The following FXR2 variants were observed in gnomAD, a reference collection of about 807,000 sequenced individuals.
The protein encoded by FXR2 is FMR1 autosomal homolog 2.
Under a neutral mutation model 87.3 loss-of-function variants are expected in FXR2, and 9 were observed. That is an observed-to-expected ratio of 0.10 (90% confidence interval 0.06 to 0.18). FXR2 has a LOEUF of 0.18. Ranked by LOEUF, FXR2 falls within the 10% of genes least tolerant of loss-of-function variation. The pLI is 1.00. For synonymous variants in FXR2, 331 were observed against 328.3 expected, an observed-to-expected ratio of 1.01 and a Z score of -0.09; for missense variants, 661 against 893.6, an observed-to-expected ratio of 0.74 and a Z score of 3.32.
At chr17:7,596,041 G>A in intron 7 of FXR2, 47 bp from the exon 8 acceptor site, 1 of 1,442,720 alleles carries the variant, frequency 6.9e-7, no homozygotes, top group Non-Finnish European at 9.7e-7. Flanking sequence ...GAATCTCACA[G>A]TCCCAGGCAC....
rs756951847 is a variant in FXR2, at chr17:7,592,266, AAG to A, written c.1912_1913del (p.Leu638PhefsTer6). The A allele has an allele frequency of 1.2e-6, 2 of 1,611,250 alleles. No homozygotes were observed. Among genetic ancestry groups the A allele is most frequent in the Non-Finnish European group, 1.7e-6 (2 of 1,177,384 alleles). ...LERTKPSEDS[L>X]SGQKGDSVSK... ...CTTGCCTGCCTACCTTCTGTCCTGAAAGAGAGTCTTCTGAGGGTTTAGTGCGT... is the reference window on the plus strand; with the variant it reads ...CTTGCCTGCCTACCTTCTGTCCTGAAAGAGTCTTCTGAGGGTTTAGTGCGT... On this transcript the variant is annotated frameshift_variant, in exon 16 of 17. Coordinates refer to ENST00000250113, the MANE Select transcript of FXR2 (RefSeq NM_004860.4). LOFTEE classifies it high-confidence loss of function. The surrounding 1 kb of genome is among the most constrained non-coding windows in gnomAD (Gnocchi z 4.8).
chr17:7,606,656 A>G (rs1427590116), intron 1 of FXR2, among the ~76,000 whole-genome samples: 1 of 152,220 alleles, frequency 6.6e-6, no homozygotes. Context: ...GGAACACTAG[A>G]CAAGTTCAAA....
At chr17:7,603,659 CAG>C (rs2071778577) in intron 5 of FXR2, 96 bp downstream of exon 5, 2 of 1,191,546 alleles carry the variant, frequency 1.7e-6, no homozygotes, top group Middle Eastern at 5.6e-4. Context: ...AGGGGAACAA[CAG>C]AGAAAACTGC....
intron 7 of FXR2, among the ~76,000 whole-genome samples, chr17:7,597,310 T>G (rs1342922897): frequency 1.3e-5 from 2 of 152,090 alleles, no homozygotes; most frequent in Admixed American, 1.3e-4. Context: ...TACTTCCCAC[T>G]TCCAAGTTGG....
chr17:7,599,942 G>C (rs1208500238), intron 7 of FXR2, among the ~76,000 whole-genome samples: 2 of 152,326 alleles, frequency 1.3e-5, no homozygotes, highest in East Asian at 3.9e-4. Context: ...TTGTTGCCCA[G>C]GCTGGAGTAC....
chr17:7,594,150 C>T lies in FXR2; in HGVS notation c.1020+88G>A. 3.3e-6 allele frequency: 3 copies of T among 917,768 alleles called. No individual in the cohort carries two copies. The highest frequency in any genetic ancestry group is 1.8e-6 in the Non-Finnish European group (1 of 562,656). The allele number at this position is 917,768 out of a possible 1,614,324, so 56.9% of individuals were successfully genotyped here. A position where few individuals can be genotyped will look rare whatever the true frequency, so the allele number is the denominator to read the frequency against. ...TGTTAAACAACTTTCCGTACTCCAC[C>T]CTCTCAAAGAACAATCCCAGCCCTC... On this transcript the variant is annotated intron_variant, in intron 10 of 16. Transcript: ENST00000250113. This position sits in a 1 kb window ranked among gnomAD's most constrained non-coding sequence, Gnocchi z 5.1.
chr17:7,614,329 C>G (rs2071916493), intron 1 of FXR2, 123 bp downstream of exon 1: 4 of 756,302 alleles, frequency 5.3e-6, no homozygotes, highest in Middle Eastern at 2.4e-4. Context: ...CGGGTTGGAG[C>G]AAGGGTCCAA....
At position 7,614,440 on chromosome 17, in the gene FXR2, G is replaced by GCGCCGACTGGGGA; in HGVS notation, c.81+11_81+12insTCCCCAGTCGGCG. ...CTAAGGACCGGCGTCCCCAGTCGGC[G>GCGCCGACTGGGGA]CGCCGTCTCACCTTGTAGAAGGCCC... On this transcript the variant is annotated intron_variant, in intron 1 of 16. Transcript: ENST00000250113. The GCGCCGACTGGGGA allele has an allele frequency of 6.6e-7, 1 of 1,521,324 alleles. No homozygotes were observed. Among genetic ancestry groups the GCGCCGACTGGGGA allele is most frequent in the Non-Finnish European group, 8.8e-7 (1 of 1,130,920 alleles). The allele number at this position is 1,521,324 out of a possible 1,614,324, so 94.2% of individuals were successfully genotyped here.
chr17:7,595,006 G>A lies in FXR2; in HGVS notation c.832-249C>T, dbSNP rs1044696544. ...TCACGTCTCTAATCCCAGCTACTCC[G>A]GAGGCTGAGGCAGGAGATTTCTTGA... On this transcript the variant is annotated intron_variant, in intron 8 of 16. Transcript: ENST00000250113. The surrounding 1 kb of genome is among the most constrained non-coding windows in gnomAD (Gnocchi z 4.7). Among the ~76,000 whole-genome samples the A allele has an allele frequency of 1.3e-5, 2 of 152,026 alleles. No homozygotes were observed. Among genetic ancestry groups the A allele is most frequent in the South Asian group, 2.1e-4 (1 of 4,812 alleles).
chr17:7,601,123 G>A (rs983013907), intron 7 of FXR2, among the ~76,000 whole-genome samples: 4 of 151,242 alleles, frequency 2.6e-5, no homozygotes, highest in Admixed American at 2.0e-4. Flanking sequence ...GGGTTGCAGT[G>A]AGCCGAGATC....
In FXR2 at chr17:7,592,445, G is replaced by A. The variant is rs748146155; in HGVS notation, c.1825+59C>T. On this transcript the variant is annotated intron_variant, in intron 15 of 16. Transcript: ENST00000250113. This position sits in a 1 kb window ranked among gnomAD's most constrained non-coding sequence, Gnocchi z 4.8. ...AACCCGAACCCCTGATTTTCACAGG[G>A]GTGAGCATCCCATTCTCTCAGCTCT... The A allele has an allele frequency of 6.4e-7, 1 of 1,561,172 alleles. No individual in the cohort carries two copies. Among genetic ancestry groups the A allele is most frequent in the Non-Finnish European group, 8.8e-7 (1 of 1,132,034 alleles).
At position 7,614,375 on chromosome 17, in the gene FXR2, A is replaced by T. The variant is rs555442557; in HGVS notation, c.81+77T>A. On this transcript the variant is annotated intron_variant, in intron 1 of 16. Transcript: ENST00000250113. ...GCCAGGACTCAGCTCCAGAAGCTCG[A>T]TCCCGCCCCACGCGTTCCTGCTCCG... is the stretch of plus-strand genomic sequence containing the variant. 3 of 1,090,870 alleles carry T rather than the reference A, an allele frequency of 2.8e-6. No homozygotes were observed. In the South Asian group the frequency reaches 4.5e-5, roughly 16 times the overall value. The allele number at this position is 1,090,870 out of a possible 1,614,324, so 67.6% of individuals were successfully genotyped here.
chr17:7,610,017 CATGTAT>C (rs1296932609), intron 1 of FXR2, among the ~76,000 whole-genome samples: 1 of 115,898 alleles, frequency 8.6e-6, no homozygotes, highest in Non-Finnish European at 2.0e-5. Flanking sequence ...TATATATATA[CATGTAT>C]ATGTATACAT....
chr17:7,602,962 G>A lies in FXR2; in HGVS notation c.490C>T (p.Leu164=). The change falls in exon 6 of 17, where the codon CTG becomes TTG. Residue 164 remains leucine, a synonymous_variant. Transcript: ENST00000250113. ...ENVHKEFKKA[L]GANCIFLNIT... The stretch of plus-strand genomic sequence containing the variant: ...TTGAGAAAGATGCAGTTGGCTCCCA[G>A]GGCTTTCTTGAACTCTTTATGGACG... 6.3e-7 allele frequency: 1 copy of A among 1,597,280 alleles called. No homozygotes were observed. Among genetic ancestry groups the A allele is most frequent in the Non-Finnish European group, 8.6e-7 (1 of 1,165,940 alleles).
intron 1 of FXR2, 135 bp from the exon 2 acceptor site, chr17:7,606,284 C>T (rs916754082): frequency 9.5e-6 from 6 of 629,158 alleles, no homozygotes; most frequent in Non-Finnish European, 1.7e-5. Flanking sequence ...AATGAGACAG[C>T]CTGAAAGGCT....
At chr17:7,612,480 A>T (rs2071875180) in intron 1 of FXR2, among the ~76,000 whole-genome samples, 1 of 152,218 alleles carries the variant, frequency 6.6e-6, no homozygotes, top group East Asian at 1.9e-4. Context: ...TTAGGCAAGT[A>T]TGCACAAAAT....
At chr17:7,596,170 T>C in intron 7 of FXR2, 176 bp from the exon 8 acceptor site, 1 of 567,134 alleles carries the variant, frequency 1.8e-6, no homozygotes, top group Non-Finnish European at 3.1e-6. Context: ...TTTTTGTTTT[T>C]TCTTTGAGAT....
intron 2 of FXR2, 113 bp downstream of exon 2, chr17:7,605,984 C>G (rs755343021): frequency 1.3e-6 from 1 of 760,292 alleles, no homozygotes; most frequent in African/African-American, 1.8e-5. Flanking sequence ...AGTTCCCACC[C>G]AAACCCTCAG....
intron 1 of FXR2, among the ~76,000 whole-genome samples, chr17:7,606,368 C>G (rs2071803152): frequency 6.6e-6 from 1 of 150,568 alleles, no homozygotes; most frequent in Admixed American, 6.6e-5. Context: ...TATGTACCAC[C>G]TGCATCAGAA....
Sources: gnomAD v4.1 joint callset for allele counts (sites outside exome capture counted in the v4.1 genomes callset) on GRCh38, gnomAD v4.1.1 for gene constraint, Gnocchi (gnomAD v3.1) non-coding constraint, MANE v1.5 for transcripts, NCBI Gene and HGNC (gene_info 2026-07-23, HGNC 2026-07-21) for gene names.